The following SUPT3H variants were observed in gnomAD, a reference collection of about 807,000 sequenced individuals.
SUPT3H encodes transcription initiation protein SPT3 homolog.
A neutral mutation model predicts 44.3 loss-of-function variants in SUPT3H; 44 were observed. That is an observed-to-expected ratio of 0.99 (90% CI 0.78 to 1.28). SUPT3H has a LOEUF of 1.28. SUPT3H is among the 50% of genes most tolerant of loss of function. SUPT3H has a pLI of 0.00. For synonymous variants in SUPT3H, 124 were observed against 125.6 expected, an observed-to-expected ratio of 0.99 and a Z score of 0.09; for missense variants, 380 against 387.1, an observed-to-expected ratio of 0.98 and a Z score of 0.15.
intron 2 of SUPT3H, among the ~76,000 whole-genome samples, chr6:45,314,170 A>T (rs565256012): frequency 6.6e-6 from 1 of 152,288 alleles, no homozygotes; most frequent in East Asian, 1.9e-4. Context: ...TCTATGACAA[A>T]ACCACAGCCA....
chr6:44,978,243 A>G (rs574474208), intron 6 of SUPT3H, among the ~76,000 whole-genome samples: 7 of 152,260 alleles, frequency 4.6e-5, no homozygotes, highest in African/African-American at 1.4e-4. Context: ...TTAAACACCC[A>G]TGTGCTGAAC....
At position 44,867,154 on chromosome 6, in the gene SUPT3H, C is replaced by CT. The variant is rs1361754213; in HGVS notation, c.913-37298dup. 3.3e-3 allele frequency among the ~76,000 whole-genome samples: 478 copies of CT among 143,418 alleles called. 2 individuals carry two copies. The highest frequency in any genetic ancestry group is 4.0e-3 in the African/African-American group (159 of 39,292). 94.1% of individuals were successfully genotyped at this position (143,418 alleles called of 152,430 possible). A position where few individuals can be genotyped will look rare whatever the true frequency, so the allele number is the denominator to read the frequency against. Reference sequence around the variant, plus strand: ...ACAGTTACTTATAAAGGAAGATACACTTTTTTTTTTTTTTTGAAATGGAGT... The same window carrying CT: ...ACAGTTACTTATAAAGGAAGATACACTTTTTTTTTTTTTTTTGAAATGGAGT... On this transcript the variant is annotated intron_variant, in intron 10 of 10. Coordinates refer to ENST00000371459, the MANE Select transcript of SUPT3H (RefSeq NM_003599.4).
In SUPT3H at chr6:45,095,572, C is replaced by T. The variant is rs1460118845; in HGVS notation, c.186+10350G>A. 2.0e-5 allele frequency among the ~76,000 whole-genome samples: 3 copies of T among 152,108 alleles called. No individual in the cohort carries two copies. ...TGATAAATTGGTTCTGATGTGAAAACTAGTGTAACCAACTACACAGCTTAC... is the reference window on the plus strand; with the variant it reads ...TGATAAATTGGTTCTGATGTGAAAATTAGTGTAACCAACTACACAGCTTAC... On this transcript the variant is annotated intron_variant, in intron 3 of 10. Transcript: ENST00000371459. The surrounding 1 kb of genome is among the most constrained non-coding windows in gnomAD (Gnocchi z 4.1).
chr6:45,035,639 G>A (rs1305821670), intron 3 of SUPT3H, among the ~76,000 whole-genome samples: 1 of 152,090 alleles, frequency 6.6e-6, no homozygotes, highest in Non-Finnish European at 1.5e-5. Context: ...TATTGCCACA[G>A]TCGTAGGTAT....
chr6:44,894,890 A>G (rs1763880641), intron 10 of SUPT3H, among the ~76,000 whole-genome samples: 1 of 151,890 alleles, frequency 6.6e-6, no homozygotes, highest in Admixed American at 6.5e-5. Context: ...TGAACAATCT[A>G]ATAATTGAGC....
chr6:45,196,102 A>G (rs2153621933), intron 2 of SUPT3H, among the ~76,000 whole-genome samples: 1 of 152,224 alleles, frequency 6.6e-6, no homozygotes, highest in East Asian at 1.9e-4. Flanking sequence ...AATTTATCCA[A>G]TCTACCATAG....
chr6:45,145,287 C>G (rs1805861006), intron 2 of SUPT3H, among the ~76,000 whole-genome samples: 1 of 152,068 alleles, frequency 6.6e-6, no homozygotes, highest in South Asian at 2.1e-4. Context: ...GCTATAGTTA[C>G]CGAAACAACA....
At chr6:45,018,335 T>G (rs1476117078) in intron 4 of SUPT3H, among the ~76,000 whole-genome samples, 1 of 151,770 alleles carries the variant, frequency 6.6e-6, no homozygotes, top group African/African-American at 2.4e-5. Context: ...GAATACCCTT[T>G]ATTTCCTTCT....
intron 2 of SUPT3H, among the ~76,000 whole-genome samples, chr6:45,218,599 T>C (rs1031194235): frequency 1.3e-5 from 2 of 152,204 alleles, no homozygotes; most frequent in African/African-American, 2.4e-5. Context: ...CTGGGCATGA[T>C]GGCGCATGCC....
chr6:45,215,604 C>T (rs1764908322), intron 2 of SUPT3H, among the ~76,000 whole-genome samples: 1 of 151,898 alleles, frequency 6.6e-6, no homozygotes, highest in Admixed American at 6.6e-5. Flanking sequence ...GAAAAAAAAT[C>T]TACATTAGAA....
At position 45,261,421 on chromosome 6, in the gene SUPT3H, C is replaced by T. The variant is rs765995699; in HGVS notation, c.101+103780G>A. 4.0e-5 allele frequency among the ~76,000 whole-genome samples: 6 copies of T among 151,742 alleles called. No individual in the cohort carries two copies. The East Asian group carries it at 5.8e-4, about 15-fold the overall frequency. Reference sequence around the variant, plus strand: ...TGTGATGCAAGGTTGGGTCAACATACGCAAATCGATAAATGTGATTCACCA... The same window carrying T: ...TGTGATGCAAGGTTGGGTCAACATATGCAAATCGATAAATGTGATTCACCA... On this transcript the variant is annotated intron_variant, in intron 2 of 10. Transcript: ENST00000371459.
intron 2 of SUPT3H, among the ~76,000 whole-genome samples, chr6:45,112,363 A>G (rs1800186269): frequency 6.6e-6 from 1 of 152,122 alleles, no homozygotes; most frequent in South Asian, 2.1e-4. Context: ...CTGGCCTTAT[A>G]TGTGGAAATA....
intron 2 of SUPT3H, among the ~76,000 whole-genome samples, chr6:45,111,535 C>A (rs536588964): frequency 2.1e-5 from 3 of 143,918 alleles, no homozygotes; most frequent in South Asian, 4.6e-4. Flanking sequence ...CTCCCTCCCC[C>A]CCGCAAAAAA....
intron 10 of SUPT3H, among the ~76,000 whole-genome samples, chr6:44,846,867 T>C (rs1581958467): frequency 6.6e-6 from 1 of 152,160 alleles, no homozygotes; most frequent in African/African-American, 2.4e-5. Flanking sequence ...TGACCTCAGG[T>C]GATCTCTCCG....
chr6:45,228,885 CCGT>C (rs1432644765), intron 2 of SUPT3H, among the ~76,000 whole-genome samples: 1 of 152,084 alleles, frequency 6.6e-6, no homozygotes, highest in Non-Finnish European at 1.5e-5. Flanking sequence ...GGCGATCCAC[CCGT>C]CTTGGCCTCT....
At chr6:44,967,555 CCT>C (rs1776945240) in intron 6 of SUPT3H, among the ~76,000 whole-genome samples, 1 of 152,228 alleles carries the variant, frequency 6.6e-6, no homozygotes, top group African/African-American at 2.4e-5. Context: ...CATCATTTGC[CCT>C]GTCTATACCA....
chr6:45,174,408 T>A (rs989757119), intron 2 of SUPT3H, among the ~76,000 whole-genome samples: 6 of 152,186 alleles, frequency 3.9e-5, no homozygotes, highest in Non-Finnish European at 5.9e-5. Context: ...CAAGGGTATT[T>A]AAGTATATTA....
chr6:45,009,471 T>C (rs1358705866), intron 5 of SUPT3H, among the ~76,000 whole-genome samples: 2 of 152,196 alleles, frequency 1.3e-5, no homozygotes, highest in African/African-American at 4.8e-5. Flanking sequence ...CTATGATCCA[T>C]ATTGGGTTAA....
intron 4 of SUPT3H, among the ~76,000 whole-genome samples, chr6:45,017,956 T>C (rs1327580140): frequency 6.6e-6 from 1 of 151,040 alleles, no homozygotes; most frequent in Non-Finnish European, 1.5e-5. Flanking sequence ...ATTTTCACGA[T>C]ATTGATTCTT....
Sources: gnomAD v4.1 joint callset for allele counts (sites outside exome capture counted in the v4.1 genomes callset) on GRCh38, gnomAD v4.1.1 for gene constraint, Gnocchi (gnomAD v3.1) non-coding constraint, MANE v1.5 for transcripts, NCBI Gene and HGNC (gene_info 2026-07-23, HGNC 2026-07-21) for gene names.